ARHGAP42: variants seen among roughly 807,000 people sequenced by gnomAD.
The protein encoded by ARHGAP42 is Rho GTPase activating protein 42, also known as rho GTPase-activating protein 42.
In ARHGAP42, 63 loss-of-function variants were observed where a neutral mutation model predicts 125.0. The ratio of observed to expected loss-of-function variants is 0.50; its 90% CI spans 0.41 to 0.62. ARHGAP42 has a LOEUF of 0.62. ARHGAP42 is among the 20% of genes least tolerant of loss of function. ARHGAP42 has a pLI of 0.00. For synonymous variants in ARHGAP42, 339 were observed against 351.0 expected, an observed-to-expected ratio of 0.97 and a Z score of 0.38; for missense variants, 766 against 1,024.2, an observed-to-expected ratio of 0.75 and a Z score of 3.44.
chr11:100,762,664 T>C (rs1429051257), intron 1 of ARHGAP42, among the ~76,000 whole-genome samples: 2 of 152,146 alleles, frequency 1.3e-5, no homozygotes, highest in African/African-American at 4.8e-5. Context: ...TTCAAGTAAA[T>C]GTTAGGAATG....
At chr11:100,787,043 C>T (rs1195574766) in intron 2 of ARHGAP42, among the ~76,000 whole-genome samples, 3 of 151,818 alleles carry the variant, frequency 2.0e-5, no homozygotes, top group Non-Finnish European at 2.9e-5. Flanking sequence ...TTTGGGAGGC[C>T]GAGGCGGGTG....
In ARHGAP42 at chr11:100,803,980, T is replaced by C. The variant is rs190938825; in HGVS notation, c.312+8814T>C. On this transcript the variant is annotated intron_variant, in intron 3 of 23. Coordinates refer to ENST00000298815, the MANE Select transcript of ARHGAP42 (RefSeq NM_152432.4). Reference sequence around the variant, plus strand: ...ACCTGTGTAAGTTACAAATTTTGCTTTAGGTTTTCCAGAACTGTATATTTT... The same window carrying C: ...ACCTGTGTAAGTTACAAATTTTGCTCTAGGTTTTCCAGAACTGTATATTTT... Among the ~76,000 whole-genome samples the C allele has an allele frequency of 9.5e-4, 145 of 152,284 alleles. 1 individual carries two copies. The highest frequency in any genetic ancestry group is 1.3e-3 in the Admixed American group (20 of 15,296).
At chr11:100,798,928 A>G (rs1405385377) in intron 3 of ARHGAP42, among the ~76,000 whole-genome samples, 3 of 152,224 alleles carry the variant, frequency 2.0e-5, no homozygotes, top group Non-Finnish European at 4.4e-5. Context: ...CTGGGGAAGG[A>G]TCACACAAGT....
intron 3 of ARHGAP42, among the ~76,000 whole-genome samples, chr11:100,858,013 G>T (rs1009410391): frequency 8.6e-5 from 13 of 151,640 alleles, no homozygotes; most frequent in Non-Finnish European, 1.3e-4. Context: ...TTATGATACT[G>T]TCTTTCCCCT....
At chr11:100,735,602 C>T (rs1336601747) in intron 1 of ARHGAP42, among the ~76,000 whole-genome samples, 42 of 73,054 alleles carry the variant, frequency 5.7e-4, no homozygotes, top group South Asian at 1.0e-3. Context: ...TTTACTTGTA[C>T]TTTTTTTTTT....
chr11:100,892,221 A>T (rs529855621), intron 4 of ARHGAP42, among the ~76,000 whole-genome samples: 1 of 152,342 alleles, frequency 6.6e-6, no homozygotes, highest in East Asian at 1.9e-4. Context: ...TAAAATATGG[A>T]TAATGAATAG....
rs763302463 is a variant in ARHGAP42 at position 100,980,559 on chromosome 11, C to CTTTTTTTTTTTTTTTTTTTTT, written c.2456+1520_2456+1540dup. Among the ~76,000 whole-genome samples, 29 of 51,948 alleles carry CTTTTTTTTTTTTTTTTTTTTT rather than the reference C, an allele frequency of 5.6e-4. 2 individuals are homozygous for CTTTTTTTTTTTTTTTTTTTTT. Among genetic ancestry groups the CTTTTTTTTTTTTTTTTTTTTT allele is most frequent in the East Asian group, 4.3e-3 (5 of 1,164 alleles). The allele number at this position is 51,948 out of a possible 152,430, so 34.1% of individuals were successfully genotyped here. A position where few individuals can be genotyped will look rare whatever the true frequency, so the allele number is the denominator to read the frequency against. On this transcript the variant is annotated intron_variant, in intron 22 of 23. Coordinates refer to ENST00000298815, the MANE Select transcript of ARHGAP42 (RefSeq NM_152432.4). ...TCAAATCATACTTCTTTTTCTTCTT[C>CTTTTTTTTTTTTTTTTTTTTT]TTTTTTTTTTTTTTTTTTTTTTTTT...
At chr11:100,937,281 A>G (rs1326672145) in intron 8 of ARHGAP42, among the ~76,000 whole-genome samples, 1 of 152,128 alleles carries the variant, frequency 6.6e-6, no homozygotes, top group Non-Finnish European at 1.5e-5. Flanking sequence ...ACATGATAAA[A>G]CTAGTGATCT....
chr11:100,781,283 C>T (rs1463886608), intron 2 of ARHGAP42, among the ~76,000 whole-genome samples: 1 of 149,108 alleles, frequency 6.7e-6, no homozygotes, highest in Non-Finnish European at 1.5e-5. Context: ...ACAACATGAA[C>T]TGTTTTTTTT....
chr11:100,718,194 T>C (rs377317198), intron 1 of ARHGAP42, among the ~76,000 whole-genome samples: 9 of 152,232 alleles, frequency 5.9e-5, no homozygotes, highest in African/African-American at 2.2e-4. Flanking sequence ...AGAAGAGAGA[T>C]GGTTTGGAGG....
chr11:100,775,122 C>G (rs1591170721), intron 2 of ARHGAP42, among the ~76,000 whole-genome samples: 1 of 152,282 alleles, frequency 6.6e-6, no homozygotes, highest in Non-Finnish European at 1.5e-5. Flanking sequence ...TGGCCTGTTC[C>G]CTTTCATCTG....
chr11:100,777,475 A>G (rs564851596), intron 2 of ARHGAP42, among the ~76,000 whole-genome samples: 3 of 152,340 alleles, frequency 2.0e-5, no homozygotes, highest in Admixed American at 1.3e-4. Flanking sequence ...GTAAAAAGGC[A>G]TAAAATTTTT....
chr11:100,939,969 G>A (rs966890790), intron 8 of ARHGAP42, among the ~76,000 whole-genome samples: 1 of 152,100 alleles, frequency 6.6e-6, no homozygotes. Flanking sequence ...CACTACATAC[G>A]AGAATTTCTA....
At chr11:100,903,834 C>A (rs1866643831) in intron 4 of ARHGAP42, among the ~76,000 whole-genome samples, 1 of 147,850 alleles carries the variant, frequency 6.8e-6, no homozygotes, top group Non-Finnish European at 1.5e-5. Flanking sequence ...AGCTGAGGAG[C>A]AAGGAGAGCC....
chr11:100,841,039 C>G (rs1215706130), intron 3 of ARHGAP42, among the ~76,000 whole-genome samples: 1 of 152,102 alleles, frequency 6.6e-6, no homozygotes, highest in African/African-American at 2.4e-5. Flanking sequence ...ATGTGAAGAA[C>G]AGATTCATTT....
intron 1 of ARHGAP42, among the ~76,000 whole-genome samples, chr11:100,742,574 G>A (rs946011969): frequency 3.9e-5 from 6 of 152,072 alleles, no homozygotes; most frequent in Non-Finnish European, 8.8e-5. Flanking sequence ...CTCTTGCTAC[G>A]TGCCAGGCAT....
intron 4 of ARHGAP42, among the ~76,000 whole-genome samples, chr11:100,903,709 A>AAAAAAAAAAAAT (rs1332890022): frequency 1.8e-3 from 115 of 63,458 alleles, no homozygotes; most frequent in African/African-American, 2.9e-3. Flanking sequence ...TGTCCCTCAA[A>AAAAAAAAAAAAT]ATATATATAT....
At chr11:100,810,347 A>C (rs1327604088) in intron 3 of ARHGAP42, among the ~76,000 whole-genome samples, 1 of 152,244 alleles carries the variant, frequency 6.6e-6, no homozygotes, top group African/African-American at 2.4e-5. Context: ...AACTGATAGC[A>C]ATTTGGTTAA....
intron 1 of ARHGAP42, among the ~76,000 whole-genome samples, chr11:100,709,414 A>C (rs2120230194): frequency 6.6e-6 from 1 of 152,336 alleles, no homozygotes; most frequent in Non-Finnish European, 1.5e-5. Context: ...ATGGGTAGGT[A>C]GGATATACAG....
Sources: allele counts gnomAD v4.1 joint callset (sites outside exome capture counted in the v4.1 genomes callset), GRCh38; gene constraint gnomAD v4.1.1; transcripts MANE v1.5; gene names NCBI Gene and HGNC (gene_info 2026-07-23, HGNC 2026-07-21).